The following IL7 variants were observed in gnomAD, a reference collection of about 807,000 sequenced individuals.
IL7 encodes the protein interleukin 7.
Under a neutral mutation model 21.6 loss-of-function variants are expected in IL7, and 3 were observed. The ratio of observed to expected loss-of-function variants is 0.14; its 90% CI spans 0.06 to 0.36. IL7 has a LOEUF of 0.36. Among genes scored for constraint, IL7 ranks in the 10% least tolerant of loss-of-function variants. IL7 has a pLI of 1.00. For missense variants in IL7, 175 were observed against 200.2 expected (o/e 0.87, Z 0.76); for synonymous variants, 62 against 68.1 (o/e 0.91, Z 0.44).
chr8:78,687,335 T>C (rs1585995108), intron 3 of IL7, among the ~76,000 whole-genome samples: 1 of 151,610 alleles, frequency 6.6e-6, no homozygotes, highest in East Asian at 1.9e-4. Context: ...AATCTAGATA[T>C]GATCGTTTTT....
intron 2 of IL7, among the ~76,000 whole-genome samples, chr8:78,780,295 G>C (rs936266192): frequency 1.3e-5 from 2 of 151,840 alleles, no homozygotes; most frequent in Admixed American, 1.3e-4. Context: ...TTTGCCCTTG[G>C]TTCTCTAGTT....
chr8:78,762,383 A>C, intron 2 of IL7: 2 of 1,612,292 alleles, frequency 1.2e-6, no homozygotes, highest in East Asian at 2.2e-5. Flanking sequence ...GTCAAGTCGG[A>C]CTGCGTGCTC....
intron 4 of IL7, among the ~76,000 whole-genome samples, chr8:78,684,255 A>G (rs1274991622): frequency 2.0e-5 from 3 of 152,220 alleles, no homozygotes; most frequent in Non-Finnish European, 4.4e-5. Context: ...ATAAAGAAAA[A>G]GAGGTGTAAC....
chr8:78,682,274 TAAG>T (rs1054405976), intron 4 of IL7, among the ~76,000 whole-genome samples: 9 of 152,088 alleles, frequency 5.9e-5, no homozygotes, highest in Non-Finnish European at 1.3e-4. Flanking sequence ...TACAGTTAGA[TAAG>T]AAGAAGAAAT....
intron 2 of IL7, chr8:78,746,863 G>A (rs762218523): frequency 1.3e-4 from 44 of 351,758 alleles, no homozygotes; most frequent in Non-Finnish European, 2.3e-4. Flanking sequence ...AAGGGCAAAG[G>A]TAATGAAATG....
At chr8:78,677,606 A>G (rs1809623473) in intron 4 of IL7, among the ~76,000 whole-genome samples, 1 of 151,058 alleles carries the variant, frequency 6.6e-6, no homozygotes, top group Admixed American at 6.6e-5. Context: ...TATTCTTTGT[A>G]TTTTCTTTTT....
At chr8:78,741,893 A>G (rs888780172) in intron 2 of IL7, among the ~76,000 whole-genome samples, 3 of 152,226 alleles carry the variant, frequency 2.0e-5, no homozygotes, top group African/African-American at 7.2e-5. Flanking sequence ...AGTAAGAATT[A>G]TAGATACATG....
At chr8:78,749,129 C>G (rs979189370) in intron 2 of IL7, among the ~76,000 whole-genome samples, 1 of 152,106 alleles carries the variant, frequency 6.6e-6, no homozygotes, top group Non-Finnish European at 1.5e-5. Flanking sequence ...AACATATTCA[C>G]TAATGCCCAG....
intron 2 of IL7, among the ~76,000 whole-genome samples, chr8:78,789,610 G>A (rs1813619521): frequency 6.6e-6 from 1 of 152,088 alleles, no homozygotes; most frequent in South Asian, 2.1e-4. Flanking sequence ...GATAACTCAA[G>A]CATCATTAAA....
At position 78,750,915 on chromosome 8, in the gene IL7, G is replaced by A. The variant is rs1223850195; in HGVS notation, c.148-10833C>T. Among the ~76,000 whole-genome samples, 3 of 152,122 alleles carry A rather than the reference G, an allele frequency of 2.0e-5. No individual in the cohort carries two copies. The East Asian group carries it at 5.8e-4, about 29-fold the overall frequency. The stretch of plus-strand genomic sequence containing the variant: ...TTAGACAACAGACAAGAACAGATAG[G>A]AAATTTAAGCAGAGAGATTAAAATT... On this transcript the variant is annotated intron_variant, in intron 2 of 5. Transcript: ENST00000263851.
chr8:78,685,583 A>G (rs1184121769), intron 4 of IL7, among the ~76,000 whole-genome samples: 1 of 152,254 alleles, frequency 6.6e-6, no homozygotes, highest in South Asian at 2.1e-4. Flanking sequence ...TTAAAGGCCA[A>G]TAACTCAACA....
chr8:78,700,330 G>A (rs1290423901), intron 3 of IL7, among the ~76,000 whole-genome samples: 1 of 151,424 alleles, frequency 6.6e-6, no homozygotes, highest in African/African-American at 2.4e-5. Flanking sequence ...TTTTTTTCTT[G>A]TAAGTTTCTT....
intron 3 of IL7, chr8:78,712,040 GGTT>G: frequency 1.6e-6 from 2 of 1,289,678 alleles, no homozygotes; most frequent in Non-Finnish European, 2.0e-6. Context: ...CTTGTGCAAA[GGTT>G]GTATGACAGT....
At chr8:78,680,491 T>G (rs1355171850) in intron 4 of IL7, among the ~76,000 whole-genome samples, 4 of 152,096 alleles carry the variant, frequency 2.6e-5, no homozygotes, top group Non-Finnish European at 4.4e-5. Context: ...GGGTGAGTCG[T>G]ATGCACATTA....
At chr8:78,703,228 G>A (rs1419070649) in intron 3 of IL7, among the ~76,000 whole-genome samples, 1 of 152,070 alleles carries the variant, frequency 6.6e-6, no homozygotes, top group Non-Finnish European at 1.5e-5. Context: ...TGTGCCAGAT[G>A]GTGATGAGAA....
intron 2 of IL7, among the ~76,000 whole-genome samples, chr8:78,786,080 C>T (rs936487269): frequency 1.3e-5 from 2 of 152,176 alleles, no homozygotes; most frequent in Non-Finnish European, 2.9e-5. Flanking sequence ...CATTGTGATA[C>T]TGTGAAATAC....
At position 78,761,772 on chromosome 8, in the gene IL7, G is replaced by T. The variant is rs185613499; in HGVS notation, c.148-21690C>A. On this transcript the variant is annotated intron_variant, in intron 2 of 5. Coordinates refer to ENST00000263851, the MANE Select transcript of IL7 (RefSeq NM_000880.4). ...GTGTTAACTGCTGTTGTCTCAAACC[G>T]CTTTCTCAGAACCTCTTCACCAGAA... 4,305 of 1,611,916 alleles carry T rather than the reference G, an allele frequency of 2.7e-3. 94 individuals are homozygous for T. In the African/African-American group the frequency reaches 0.051, roughly 19 times the overall value.
intron 3 of IL7, among the ~76,000 whole-genome samples, chr8:78,690,922 A>G (rs1219520404): frequency 6.6e-6 from 1 of 152,148 alleles, no homozygotes; most frequent in East Asian, 1.9e-4. Flanking sequence ...ATTTTTGTAT[A>G]TTAATCTTAT....
intron 4 of IL7, chr8:78,721,178 T>C (rs985362145): frequency 2.6e-5 from 4 of 152,170 alleles, no homozygotes; most frequent in Admixed American, 6.5e-5. Flanking sequence ...AAGTGATTTA[T>C]TTTAATGGAA....
Sources: allele counts gnomAD v4.1 joint callset (sites outside exome capture counted in the v4.1 genomes callset), GRCh38; gene constraint gnomAD v4.1.1; transcripts MANE v1.5; gene names NCBI Gene and HGNC (gene_info 2026-07-23, HGNC 2026-07-21).